The following NDUFV2 variants were observed in gnomAD, a reference collection of about 807,000 sequenced individuals.
The protein encoded by NDUFV2 is NADH dehydrogenase [ubiquinone] flavoprotein 2, mitochondrial.
NDUFV2 carries 18 observed loss-of-function variants against 31.6 expected under a neutral mutation model. That is an observed-to-expected ratio of 0.57 (90% CI 0.39 to 0.84). The LOEUF (loss-of-function observed/expected upper bound fraction) is 0.84. Ranked by LOEUF, NDUFV2 falls within the 40% of genes least tolerant of loss-of-function variation. The pLI is 0.00. For synonymous variants in NDUFV2, 83 were observed against 99.8 expected (o/e 0.83, Z 1.01); for missense variants, 314 against 303.6 (o/e 1.03, Z -0.26).
chr18:9,109,396 G>A (rs2077858377), intron 1 of NDUFV2, among the ~76,000 whole-genome samples: 3 of 152,120 alleles, frequency 2.0e-5, no homozygotes, highest in Non-Finnish European at 4.4e-5. Flanking sequence ...CAGCTTCTTA[G>A]TCTCTTATTA....
chr18:9,107,216 G>A (rs2077846348), intron 1 of NDUFV2, among the ~76,000 whole-genome samples: 1 of 152,118 alleles, frequency 6.6e-6, no homozygotes, highest in African/African-American at 2.4e-5. Flanking sequence ...CTGCAGACTC[G>A]GATCTTTTTA....
At chr18:9,133,780 C>T (rs1311495759) in intron 7 of NDUFV2, among the ~76,000 whole-genome samples, 1 of 152,104 alleles carries the variant, frequency 6.6e-6, no homozygotes, top group Non-Finnish European at 1.5e-5. Flanking sequence ...TAAAAATGTT[C>T]TCTGGGGTTG....
intron 1 of NDUFV2, among the ~76,000 whole-genome samples, chr18:9,107,632 CA>C (rs1568186303): frequency 6.6e-6 from 1 of 152,156 alleles, no homozygotes; most frequent in Non-Finnish European, 1.5e-5. Context: ...GGTTTATTCG[CA>C]AGTCCTGTTT....
chr18:9,110,297 C>T (rs932751442), intron 1 of NDUFV2, among the ~76,000 whole-genome samples: 1 of 151,946 alleles, frequency 6.6e-6, no homozygotes, highest in Non-Finnish European at 1.5e-5. Flanking sequence ...ATGTTTTATT[C>T]CTTTATTGAA....
At position 9,126,811 on chromosome 18, in the gene NDUFV2, ATT is replaced by A. The variant is rs2077994756; in HGVS notation, c.580-19_580-18del. Reference sequence around the variant, plus strand: ...AAAAGAAAGTAATTTAAATATGACTATTGTTAATTTTTTTTCCAGGAGGATTT... The same window carrying A: ...AAAAGAAAGTAATTTAAATATGACTAGTTAATTTTTTTTCCAGGAGGATTT... On this transcript the variant is annotated intron_variant, in intron 6 of 7. Transcript: ENST00000318388. 6.3e-7 allele frequency: 1 copy of A among 1,575,262 alleles called. No individual in the cohort carries two copies. The highest frequency in any genetic ancestry group is 1.7e-5 in the Admixed American group (1 of 59,930).
intron 7 of NDUFV2, among the ~76,000 whole-genome samples, chr18:9,131,633 C>T (rs2078040877): frequency 6.6e-6 from 1 of 152,082 alleles, no homozygotes; most frequent in African/African-American, 2.4e-5. Flanking sequence ...GTAAAAAGCA[C>T]TAAACTTTTA....
At chr18:9,132,149 A>G (rs1384197870) in intron 7 of NDUFV2, 2 of 152,222 alleles carry the variant, frequency 1.3e-5, no homozygotes, top group African/African-American at 4.8e-5. Context: ...AGGAAACTCT[A>G]GACCAGATTA....
At chr18:9,103,196 G>C in intron 1 of NDUFV2, 1 of 399,956 alleles carries the variant, frequency 2.5e-6, no homozygotes, top group Non-Finnish European at 4.4e-6. Flanking sequence ...TTAGGTTGCA[G>C]CATACTGGAG....
At chr18:9,127,767 C>T (rs996720923) in intron 7 of NDUFV2, among the ~76,000 whole-genome samples, 4 of 152,142 alleles carry the variant, frequency 2.6e-5, no homozygotes, top group Non-Finnish European at 4.4e-5. Context: ...CCACTGTGCC[C>T]GGCCTAATCA....
At chr18:9,120,732 A>T (rs1054321165) in intron 4 of NDUFV2, among the ~76,000 whole-genome samples, 4 of 152,186 alleles carry the variant, frequency 2.6e-5, no homozygotes, top group Admixed American at 2.6e-4. Context: ...CTGAGTAAAC[A>T]TAGGTGGTTA....
intron 2 of NDUFV2, 151 bp from the exon 3 acceptor site, chr18:9,119,175 G>A (rs2077916306): frequency 1.5e-6 from 1 of 679,482 alleles, no homozygotes; most frequent in Non-Finnish European, 2.6e-6. Context: ...TGTGTGTTTA[G>A]ACATTCTTTT....
At chr18:9,125,274 A>T (rs926473628) in intron 6 of NDUFV2, among the ~76,000 whole-genome samples, 3 of 152,144 alleles carry the variant, frequency 2.0e-5, no homozygotes, top group African/African-American at 7.2e-5. Flanking sequence ...ATTTTGCCAC[A>T]TTTTACTTCA....
intron 1 of NDUFV2, among the ~76,000 whole-genome samples, chr18:9,108,307 T>G (rs1360560854): frequency 6.6e-6 from 1 of 152,236 alleles, no homozygotes; most frequent in African/African-American, 2.4e-5. Flanking sequence ...TGGAACTTTA[T>G]TTGGAGGATG....
chr18:9,125,136 A>G, intron 6 of NDUFV2, 153 bp downstream of exon 6: 1 of 845,326 alleles, frequency 1.2e-6, no homozygotes, highest in South Asian at 2.1e-5. Context: ...AAATTCTTTA[A>G]ACATTTTTGC....
intron 6 of NDUFV2, among the ~76,000 whole-genome samples, chr18:9,125,877 G>T (rs957958393): frequency 2.0e-5 from 3 of 152,126 alleles, no homozygotes; most frequent in Non-Finnish European, 4.4e-5. Flanking sequence ...CAGACTAGCA[G>T]TTTTCTTTGA....
At chr18:9,122,377 T>G (rs1367117422) in intron 4 of NDUFV2, 136 bp from the exon 5 acceptor site, 2 of 749,838 alleles carry the variant, frequency 2.7e-6, no homozygotes, top group African/African-American at 1.8e-5. Flanking sequence ...CCAAGACAAG[T>G]ATGTTTTCTG....
chr18:9,129,565 T>C (rs372925319), intron 7 of NDUFV2, among the ~76,000 whole-genome samples: 58 of 151,982 alleles, frequency 3.8e-4, no homozygotes, highest in African/African-American at 1.1e-3. Flanking sequence ...TGTTAGGGGA[T>C]AGATAGGGAG....
chr18:9,125,367 T>C (rs181341399), intron 6 of NDUFV2, among the ~76,000 whole-genome samples: 1 of 152,248 alleles, frequency 6.6e-6, no homozygotes, highest in African/African-American at 2.4e-5. Flanking sequence ...TTTCTCTTCC[T>C]TTTATCCCCA....
chr18:9,117,181 C>T (rs1458485978), intron 1 of NDUFV2, among the ~76,000 whole-genome samples: 1 of 151,946 alleles, frequency 6.6e-6, no homozygotes, highest in Non-Finnish European at 1.5e-5. Context: ...GGACTACCAG[C>T]GTGCGCCACC....
Sources: gnomAD v4.1 joint callset for allele counts (sites outside exome capture counted in the v4.1 genomes callset) on GRCh38, gnomAD v4.1.1 for gene constraint, MANE v1.5 for transcripts, NCBI Gene and HGNC (gene_info 2026-07-23, HGNC 2026-07-21) for gene names.